VPS50: variants seen among roughly 807,000 people sequenced by gnomAD.
VPS50 encodes syndetin.
A neutral mutation model predicts 139.7 loss-of-function variants in VPS50; 70 were observed. That is an observed-to-expected ratio of 0.50 (90% CI 0.41 to 0.61). VPS50 has a LOEUF of 0.61. Among genes scored for constraint, VPS50 ranks in the 20% least tolerant of loss-of-function variants. The pLI is 0.00. For synonymous variants in VPS50, 365 were observed against 376.7 expected (o/e 0.97, Z 0.36); for missense variants, 921 against 1,133.7 (o/e 0.81, Z 2.69).
intron 20 of VPS50, among the ~76,000 whole-genome samples, chr7:93,316,817 T>TGACTAGGAAG (rs1356318941): frequency 1.3e-5 from 2 of 152,214 alleles, no homozygotes; most frequent in Non-Finnish European, 2.9e-5. Context: ...TGTTTTAAAA[T>TGACTAGGAAG]GACTAGGAAG....
At chr7:93,347,006 A>G (rs1296391888) in intron 23 of VPS50, among the ~76,000 whole-genome samples, 1 of 142,932 alleles carries the variant, frequency 7.0e-6, no homozygotes, top group African/African-American at 2.6e-5. Flanking sequence ...GCTTCTGCAC[A>G]GCAAAAGAAA....
At chr7:93,314,758 G>T (rs1797373307) in intron 20 of VPS50, among the ~76,000 whole-genome samples, 1 of 152,116 alleles carries the variant, frequency 6.6e-6, no homozygotes, top group Non-Finnish European at 1.5e-5. Context: ...TAGGTATAAT[G>T]TGCCTGAGAT....
chr7:93,339,638 AT>A (rs1240031879), intron 22 of VPS50, among the ~76,000 whole-genome samples: 1 of 152,116 alleles, frequency 6.6e-6, no homozygotes, highest in East Asian at 1.9e-4. Context: ...GCCTACTCAT[AT>A]GTTCTCACCT....
At chr7:93,310,910 TAA>T (rs1341155677) in intron 19 of VPS50, among the ~76,000 whole-genome samples, 1 of 152,140 alleles carries the variant, frequency 6.6e-6, no homozygotes, top group Non-Finnish European at 1.5e-5. Context: ...ATCAGTTTTT[TAA>T]AGAGATGTAG....
intron 9 of VPS50, among the ~76,000 whole-genome samples, chr7:93,268,357 G>A (rs770942178): frequency 6.6e-6 from 1 of 151,990 alleles, no homozygotes; most frequent in Non-Finnish European, 1.5e-5. Context: ...CCGGGTACAT[G>A]TGCAGGATGT....
chr7:93,246,083 T>C, intron 2 of VPS50: 1 of 496,916 alleles, frequency 2.0e-6, no homozygotes, highest in Non-Finnish European at 2.8e-6. Context: ...TAAACGCTTC[T>C]TTTTTTTTTT....
At chr7:93,325,645 T>A (rs185496222) in intron 21 of VPS50, among the ~76,000 whole-genome samples, 1 of 152,024 alleles carries the variant, frequency 6.6e-6, no homozygotes, top group Non-Finnish European at 1.5e-5. Flanking sequence ...AGGATATAAA[T>A]AGACACTTCT....
At chr7:93,308,472 C>T (rs1286590959) in intron 18 of VPS50, among the ~76,000 whole-genome samples, 1 of 151,394 alleles carries the variant, frequency 6.6e-6, no homozygotes, top group Admixed American at 6.6e-5. Flanking sequence ...GTTTTATTAG[C>T]AAATTGGAAA....
intron 2 of VPS50, 53 bp from the exon 3 acceptor site, chr7:93,252,600 G>T (rs1158168460): frequency 8.5e-6 from 10 of 1,179,938 alleles, no homozygotes; most frequent in Non-Finnish European, 1.2e-5. Flanking sequence ...TTTCCATGCA[G>T]ATATAATTTT....
At chr7:93,264,475 A>T (rs1029064549) in intron 9 of VPS50, among the ~76,000 whole-genome samples, 1 of 152,242 alleles carries the variant, frequency 6.6e-6, no homozygotes, top group African/African-American at 2.4e-5. Context: ...ATTTCATTTG[A>T]AAGAAACTAC....
chr7:93,274,684 A>G (rs1009574756), intron 11 of VPS50, among the ~76,000 whole-genome samples: 4 of 152,170 alleles, frequency 2.6e-5, no homozygotes, highest in Non-Finnish European at 4.4e-5. Flanking sequence ...TCAAGGAGTA[A>G]TTTTGGCTTT....
intron 20 of VPS50, among the ~76,000 whole-genome samples, chr7:93,317,679 G>A (rs1471794784): frequency 6.6e-6 from 1 of 152,176 alleles, no homozygotes; most frequent in Non-Finnish European, 1.5e-5. Flanking sequence ...TGTTGATGCA[G>A]CTTGTCTAGG....
chr7:93,241,218 A>G (rs1403297055), intron 2 of VPS50, among the ~76,000 whole-genome samples: 2 of 152,132 alleles, frequency 1.3e-5, no homozygotes, highest in Non-Finnish European at 2.9e-5. Flanking sequence ...TGTTTCCACC[A>G]TGAGCCATGA....
intron 23 of VPS50, among the ~76,000 whole-genome samples, chr7:93,347,839 G>A (rs1165427933): frequency 2.7e-5 from 3 of 110,470 alleles, no homozygotes; most frequent in African/African-American, 1.0e-4. Context: ...GGTGGGGGGA[G>A]GGGGGAGGGA....
At chr7:93,266,132 C>T (rs759390664) in intron 9 of VPS50, among the ~76,000 whole-genome samples, 4 of 152,106 alleles carry the variant, frequency 2.6e-5, no homozygotes, top group African/African-American at 9.7e-5. Context: ...CAGACTGGAA[C>T]GTCAGTGTCT....
rs989476962 is a variant in VPS50 at position 93,253,946 on chromosome 7, A to G, written c.297+15A>G. ...AGCAAGCTGCAGTAAGTAAAAAAAA[A>G]ACACATTTCTTTCTGGCAAAACTCT... On this transcript the variant is annotated intron_variant, in intron 4 of 27. Transcript: ENST00000305866. 1 of 1,499,946 alleles carries G rather than the reference A, an allele frequency of 6.7e-7. No individual in the cohort carries two copies. The highest frequency in any genetic ancestry group is 2.3e-5 in the East Asian group (1 of 44,188). The allele number at this position is 1,499,946 out of a possible 1,614,324, so 92.9% of individuals were successfully genotyped here.
intron 9 of VPS50, among the ~76,000 whole-genome samples, chr7:93,267,060 T>G (rs1369698832): frequency 6.6e-6 from 1 of 152,248 alleles, no homozygotes; most frequent in Admixed American, 6.5e-5. Context: ...CTAGGTTTAT[T>G]ATAATTTCAT....
At chr7:93,261,571 G>A (rs531200568) in intron 9 of VPS50, among the ~76,000 whole-genome samples, 5 of 151,682 alleles carry the variant, frequency 3.3e-5, no homozygotes, top group African/African-American at 9.7e-5. Flanking sequence ...CCAGCTACTC[G>A]GGAGGCTGAG....
At chr7:93,236,937 CTTTTTTTTTT>C (rs71107889) in intron 1 of VPS50, among the ~76,000 whole-genome samples, 19 of 31,062 alleles carry the variant, frequency 6.1e-4, no homozygotes, top group South Asian at 1.3e-3. Flanking sequence ...TCTTTTACTT[CTTTTTTTTTT>C]TTTTTTTTTT....
Sources: gnomAD v4.1 joint callset for allele counts (sites outside exome capture counted in the v4.1 genomes callset) on GRCh38, gnomAD v4.1.1 for gene constraint, MANE v1.5 for transcripts, NCBI Gene and HGNC (gene_info 2026-07-23, HGNC 2026-07-21) for gene names.